Variants in TRA2B observed in about 807,000 individuals in gnomAD.
TRA2B encodes transformer-2 protein homolog beta.
Under a neutral mutation model 41.7 loss-of-function variants are expected in TRA2B, and 14 were observed. The ratio of observed to expected loss-of-function variants is 0.34; its 90% CI spans 0.22 to 0.53. The LOEUF (loss-of-function observed/expected upper bound fraction) is 0.53, where lower values mean the gene tolerates loss of function less well. Among genes scored for constraint, TRA2B ranks in the 20% least tolerant of loss-of-function variants. The probability of loss-of-function intolerance (pLI) is 0.95; values close to 1 mark genes in which losing one functional copy is unlikely to be tolerated. For synonymous variants in TRA2B, 130 were observed against 128.8 expected, an observed-to-expected ratio of 1.01 and a Z score of -0.06; for missense variants, 167 against 396.8, an observed-to-expected ratio of 0.42 and a Z score of 4.92.
rs1743468137 is a variant in TRA2B, at chr3:185,915,428, G to C, written c.*2287C>G. Among the ~76,000 whole-genome samples, 1 of 152,118 alleles carries C rather than the reference G, an allele frequency of 6.6e-6. No homozygotes were observed. Among genetic ancestry groups the C allele is most frequent in the African/African-American group, 2.4e-5 (1 of 41,420 alleles). On this transcript the variant is annotated 3_prime_UTR_variant, in exon 9 of 9. Coordinates refer to ENST00000453386, the MANE Select transcript of TRA2B (RefSeq NM_004593.3). ...AAATTTATCCTTTCCCATGGCTTTT[G>C]TCTGATTCAGCTGCCCATGGCAGCA...
chr3:185,936,266 T>A (rs1005884884), intron 1 of TRA2B: 1 of 985,444 alleles, frequency 1.0e-6, no homozygotes, highest in South Asian at 4.7e-5. Context: ...ATGACTGTTA[T>A]AACAGATTCA....
rs1160154350 is a variant in TRA2B, at chr3:185,925,566, G to A, written c.231C>T (p.Ser77=). The change falls in exon 3 of 9, where the codon TCC becomes TCT. Residue 77 remains serine, a synonymous_variant. Transcript: ENST00000453386. Reference sequence around the variant, plus strand: ...AAGACCTGCTACGTGATCGTCTATGGGAGCGGGAGCGAGACCGTGACCGGG... The same window carrying A: ...AAGACCTGCTACGTGATCGTCTATGAGAGCGGGAGCGAGACCGTGACCGGG... ...HYTRSRSRSR[S]HRRSRSRSYS... 2.5e-6 allele frequency: 4 copies of A among 1,614,048 alleles called. No individual in the cohort carries two copies. The highest frequency in any genetic ancestry group is 4.5e-5 in the East Asian group (2 of 44,896).
intron 1 of TRA2B, chr3:185,927,379 T>TG (rs1743992116): frequency 6.6e-6 from 1 of 152,136 alleles, no homozygotes; most frequent in Admixed American, 6.6e-5. Context: ...AGCAACCAGA[T>TG]GGAGCTACAA....
At chr3:185,935,722 A>G in intron 1 of TRA2B, 1 of 985,294 alleles carries the variant, frequency 1.0e-6, no homozygotes, top group Non-Finnish European at 1.2e-6. Context: ...ATTGAGCTTT[A>G]TGGTTTTCCC....
chr3:185,923,729 T>G, intron 4 of TRA2B, 67 bp downstream of exon 4: 1 of 1,427,588 alleles, frequency 7.0e-7, no homozygotes, highest in Non-Finnish European at 9.4e-7. Context: ...ATCCTAGCAA[T>G]TGGTCACTGA....
rs1247714755 is a variant in TRA2B at position 185,921,291 on chromosome 3, T to C, written c.639-104A>G. 5 of 946,858 alleles carry C rather than the reference T, an allele frequency of 5.3e-6. No homozygotes were observed. In the Admixed American group the frequency reaches 5.8e-5, roughly 11 times the overall value. The allele number at this position is 946,858 out of a possible 1,614,324, so 58.7% of individuals were successfully genotyped here. ...TGACACATTAACTGGAAAATGAAAA[T>C]TATTCCTGTTAAAATTCTCACCTAT... On this transcript the variant is annotated intron_variant, in intron 5 of 8. Coordinates refer to ENST00000453386, the MANE Select transcript of TRA2B (RefSeq NM_004593.3).
At chr3:185,937,332 A>G in intron 1 of TRA2B, 2 of 989,752 alleles carry the variant, frequency 2.0e-6, no homozygotes, top group Non-Finnish European at 2.4e-6. Context: ...AAGACCCAAA[A>G]GAACGTCGTC....
chr3:185,926,054 T>A (rs1334644154), intron 2 of TRA2B, among the ~76,000 whole-genome samples: 1 of 152,096 alleles, frequency 6.6e-6, no homozygotes, highest in African/African-American at 2.4e-5. Context: ...CTTGACTAAC[T>A]AGAGTGACTC....
Position 185,923,729 on chromosome 3 carries a change from T to C in TRA2B, c.522+67A>G. On this transcript the variant is annotated intron_variant, in intron 4 of 8. Transcript: ENST00000453386. The stretch of plus-strand genomic sequence containing the variant: ...CTTGTCCTTGTCCTTATCCTAGCAA[T>C]TGGTCACTGATAACTTGGCGTTAAC... 12 of 1,427,588 alleles carry C rather than the reference T, an allele frequency of 8.4e-6. No homozygotes were observed. In the South Asian group the frequency reaches 1.3e-4, roughly 16 times the overall value. 88.4% of individuals were successfully genotyped at this position (1,427,588 alleles called of 1,614,324 possible).
rs531991062 is a variant in TRA2B, at chr3:185,938,001, T to A, written c.-141A>T. Reference sequence around the variant, plus strand: ...CAGAGCCGAAATGCTCCGCACCGCCTCCGCACGGGCTCTAACTCTACCGGA... The same window carrying A: ...CAGAGCCGAAATGCTCCGCACCGCCACCGCACGGGCTCTAACTCTACCGGA... On this transcript the variant is annotated 5_prime_UTR_variant, in exon 1 of 9. Transcript: ENST00000453386. 3.2e-6 allele frequency: 3 copies of A among 935,644 alleles called. No homozygotes were observed. The African/African-American group carries it at 4.9e-5, about 15-fold the overall frequency. 58.0% of individuals were successfully genotyped at this position (935,644 alleles called of 1,614,324 possible).
rs1433412454 is a variant in TRA2B, at chr3:185,916,884, T to TAGTG, written c.*827_*830dup. 1 of 152,658 alleles carries TAGTG rather than the reference T, an allele frequency of 6.6e-6. No individual in the cohort carries two copies. Among genetic ancestry groups the TAGTG allele is most frequent in the Non-Finnish European group, 1.5e-5 (1 of 68,034 alleles). The allele number at this position is 152,658 out of a possible 1,614,324, so 9.5% of individuals were successfully genotyped here. ...GTCTTCAGTTCATCCATGACAGGTA[T>TAGTG]AGTGTTCCCTTATCATGTACTTTGA... On this transcript the variant is annotated 3_prime_UTR_variant, in exon 9 of 9. Coordinates refer to ENST00000453386, the MANE Select transcript of TRA2B (RefSeq NM_004593.3).
At chr3:185,918,248 G>A in intron 8 of TRA2B, 117 bp downstream of exon 8, 1 of 690,044 alleles carries the variant, frequency 1.4e-6, no homozygotes, top group Non-Finnish European at 2.4e-6. Flanking sequence ...AGGATGTGTG[G>A]AGAATCATTA....
chr3:185,927,350 G>T (rs1578480751), intron 1 of TRA2B: 1 of 152,274 alleles, frequency 6.6e-6, no homozygotes, highest in East Asian at 1.9e-4. Context: ...CATGGTGGGA[G>T]GCCCCCTAAA....
At chr3:185,934,490 A>AC (rs879567223) in intron 1 of TRA2B, 6 of 985,298 alleles carry the variant, frequency 6.1e-6, no homozygotes, top group Non-Finnish European at 7.2e-6. Context: ...GACAATATCC[A>AC]CAATATTAAA....
At position 185,914,922 on chromosome 3, in the gene TRA2B, G is replaced by A. The variant is rs981083921; in HGVS notation, c.*2793C>T. On this transcript the variant is annotated 3_prime_UTR_variant, in exon 9 of 9. Transcript: ENST00000453386. ...CAGAATTGGAATCCTAGTCAATGGT[G>A]TAAGAGGGCTAAGAGCTATTAGTTT... Among the ~76,000 whole-genome samples, 5 of 152,092 alleles carry A rather than the reference G, an allele frequency of 3.3e-5. No homozygotes were observed. Among genetic ancestry groups the A allele is most frequent in the Non-Finnish European group, 5.9e-5 (4 of 68,024 alleles).
intron 1 of TRA2B, chr3:185,927,904 C>A (rs1406660961): frequency 6.6e-6 from 1 of 152,188 alleles, no homozygotes; most frequent in African/African-American, 2.4e-5. Context: ...GGTTATCAAA[C>A]TTAGACAAAG....
chr3:185,921,814 T>A (rs529665268), intron 5 of TRA2B, among the ~76,000 whole-genome samples, 197 bp downstream of exon 5: 61 of 152,184 alleles, frequency 4.0e-4, no homozygotes, highest in South Asian at 8.3e-4. Context: ...AATTTAAAAA[T>A]GGACTTGACT....
chr3:185,934,301 T>C, intron 1 of TRA2B: 1 of 983,022 alleles, frequency 1.0e-6, no homozygotes, highest in Non-Finnish European at 1.2e-6. Context: ...GCATTAATAT[T>C]TACCACCTAC....
rs141548481 is a variant in TRA2B at position 185,921,589 on chromosome 3, C to T, written c.639-402G>A. On this transcript the variant is annotated intron_variant, in intron 5 of 8. Coordinates refer to ENST00000453386, the MANE Select transcript of TRA2B (RefSeq NM_004593.3). ...AACATCCTGGCTAACATGGTGAAAA[C>T]CTGCCTCTACTAAAAATGCAAAAAA... 9.2e-3 allele frequency among the ~76,000 whole-genome samples: 1,402 copies of T among 152,192 alleles called. 19 individuals carry two copies. Among genetic ancestry groups the T allele is most frequent in the African/African-American group, 0.032 (1,333 of 41,520 alleles).
Sources: gnomAD v4.1 joint callset for allele counts (sites outside exome capture counted in the v4.1 genomes callset) on GRCh38, gnomAD v4.1.1 for gene constraint, MANE v1.5 for transcripts, NCBI Gene and HGNC (gene_info 2026-07-23, HGNC 2026-07-21) for gene names.